Variants in MLLT3 observed in about 807,000 individuals in gnomAD.
MLLT3 encodes MLLT3 super elongation complex subunit.
Under a neutral mutation model 53.2 loss-of-function variants are expected in MLLT3, and 4 were observed. The ratio of observed to expected loss-of-function variants is 0.08; its 90% CI spans 0.04 to 0.17. The LOEUF is 0.17. MLLT3 is among the 10% of genes least tolerant of loss of function. The pLI, the probability that MLLT3 is intolerant of heterozygous loss-of-function variation, is 1.00. For synonymous variants in MLLT3, 283 were observed against 230.6 expected (o/e 1.23, Z -2.06); for missense variants, 569 against 684.0 (o/e 0.83, Z 1.87).
At chr9:20,408,470 T>C (rs1822642603) in intron 5 of MLLT3, among the ~76,000 whole-genome samples, 1 of 152,124 alleles carries the variant, frequency 6.6e-6, no homozygotes, top group East Asian at 1.9e-4. Context: ...TCTGGTAATT[T>C]CAATTAATGT....
intron 3 of MLLT3, among the ~76,000 whole-genome samples, chr9:20,456,297 GTA>G (rs1371115282): frequency 3.3e-5 from 5 of 152,072 alleles, no homozygotes; most frequent in Non-Finnish European, 7.4e-5. Flanking sequence ...CTATATACAT[GTA>G]TGGTGTGGGT....
intron 10 of MLLT3, among the ~76,000 whole-genome samples, chr9:20,349,205 A>T (rs1438037471): frequency 2.0e-5 from 3 of 152,234 alleles, no homozygotes; most frequent in Admixed American, 6.5e-5. Context: ...TAGACAGAAC[A>T]TCATAACCTT....
intron 5 of MLLT3, among the ~76,000 whole-genome samples, chr9:20,391,967 A>ATT (rs1822194433): frequency 6.6e-6 from 1 of 152,232 alleles, no homozygotes. Context: ...CAACTAAAGA[A>ATT]AAAGACAAAA....
chr9:20,535,523 G>T (rs952608187), intron 2 of MLLT3, among the ~76,000 whole-genome samples: 1 of 151,838 alleles, frequency 6.6e-6, no homozygotes, highest in Non-Finnish European at 1.5e-5. Flanking sequence ...TAGAAACCAA[G>T]AAAAAAGGAA....
chr9:20,432,993 A>G (rs1255461651), intron 4 of MLLT3, among the ~76,000 whole-genome samples: 1 of 152,060 alleles, frequency 6.6e-6, no homozygotes, highest in Non-Finnish European at 1.5e-5. Flanking sequence ...ACCACATCAA[A>G]TATATTATAG....
intron 4 of MLLT3, among the ~76,000 whole-genome samples, chr9:20,438,211 A>T (rs916772200): frequency 1.3e-5 from 2 of 152,256 alleles, no homozygotes; most frequent in African/African-American, 2.4e-5. Flanking sequence ...TGTCTAGACT[A>T]TATCAAACAA....
At position 20,527,585 on chromosome 9, in the gene MLLT3, A is replaced by G. The variant is rs1447314554; in HGVS notation, c.194-70799T>C. ...CTAAGCACTGAGGTCTGCCACTTCTAAAGTCCATGATTTTTCCACTGAACA... is the reference window on the plus strand; with the variant it reads ...CTAAGCACTGAGGTCTGCCACTTCTGAAGTCCATGATTTTTCCACTGAACA... On this transcript the variant is annotated intron_variant, in intron 2 of 10. Coordinates refer to ENST00000380338, the MANE Select transcript of MLLT3 (RefSeq NM_004529.4). Among the ~76,000 whole-genome samples, 5 of 152,314 alleles carry G rather than the reference A, an allele frequency of 3.3e-5. No homozygotes were observed. In the South Asian group the frequency reaches 6.2e-4, roughly 19 times the overall value.
intron 10 of MLLT3, among the ~76,000 whole-genome samples, chr9:20,347,075 CAAA>C (rs11295975): frequency 0.024 from 1,994 of 83,012 alleles, 52 homozygotes; most frequent in African/African-American, 0.066. Context: ...CAGGAACTCC[CAAA>C]AAAAAAAAAA....
chr9:20,547,911 G>T (rs974539724), intron 2 of MLLT3, among the ~76,000 whole-genome samples: 1 of 152,166 alleles, frequency 6.6e-6, no homozygotes, highest in Non-Finnish European at 1.5e-5. Flanking sequence ...GAGATCACAT[G>T]ACTGCACTCC....
At chr9:20,422,042 G>A (rs562331236) in intron 4 of MLLT3, among the ~76,000 whole-genome samples, 9 of 152,072 alleles carry the variant, frequency 5.9e-5, no homozygotes, top group South Asian at 4.2e-4. Flanking sequence ...TTTAAACACC[G>A]AGTCTAAACA....
chr9:20,400,913 T>C (rs1563951062), intron 5 of MLLT3, among the ~76,000 whole-genome samples: 1 of 152,130 alleles, frequency 6.6e-6, no homozygotes, highest in Non-Finnish European at 1.5e-5. Context: ...TCTTCTAGAA[T>C]TTGTATTTTA....
At chr9:20,615,576 C>T (rs578175288) in intron 2 of MLLT3, among the ~76,000 whole-genome samples, 1 of 151,994 alleles carries the variant, frequency 6.6e-6, no homozygotes, top group East Asian at 1.9e-4. Flanking sequence ...TAATAACAAT[C>T]AGCTTCCATG....
chr9:20,564,344 A>G (rs1001125046), intron 2 of MLLT3, among the ~76,000 whole-genome samples: 5 of 152,268 alleles, frequency 3.3e-5, no homozygotes, highest in African/African-American at 1.2e-4. Flanking sequence ...GAGACTTAGA[A>G]AAGAGATGGC....
chr9:20,508,652 G>C (rs540436798), intron 2 of MLLT3, among the ~76,000 whole-genome samples: 1 of 152,068 alleles, frequency 6.6e-6, no homozygotes, highest in African/African-American at 2.4e-5. Flanking sequence ...GACTAGCCTC[G>C]TAAATTAAAG....
chr9:20,595,037 T>C (rs1183979556), intron 2 of MLLT3, among the ~76,000 whole-genome samples: 1 of 152,018 alleles, frequency 6.6e-6, no homozygotes, highest in African/African-American at 2.4e-5. Context: ...CTAATAAACT[T>C]ACTTTCACTT....
At chr9:20,371,918 G>A (rs1323247489) in intron 5 of MLLT3, among the ~76,000 whole-genome samples, 1 of 152,164 alleles carries the variant, frequency 6.6e-6, no homozygotes, top group Non-Finnish European at 1.5e-5. Flanking sequence ...ATGCCATTAT[G>A]AACATTCATG....
At chr9:20,426,108 T>C (rs548324418) in intron 4 of MLLT3, among the ~76,000 whole-genome samples, 1 of 152,208 alleles carries the variant, frequency 6.6e-6, no homozygotes, top group African/African-American at 2.4e-5. Context: ...CTCCTATTTA[T>C]ATATACTCCC....
At chr9:20,596,465 G>A (rs113063395) in intron 2 of MLLT3, among the ~76,000 whole-genome samples, 3,972 of 152,264 alleles carry the variant, frequency 0.026, 195 homozygotes, top group African/African-American at 0.089. Flanking sequence ...CAAGGCAGGC[G>A]GATCACCTGA....
chr9:20,363,672 CA>C, intron 6 of MLLT3, 67 bp from the exon 7 acceptor site: 1 of 1,507,610 alleles, frequency 6.6e-7, no homozygotes, highest in African/African-American at 1.4e-5. Context: ...ATATTAGAAA[CA>C]GGGGGATGCT....
Sources: gnomAD v4.1 joint callset for allele counts (sites outside exome capture counted in the v4.1 genomes callset) on GRCh38, gnomAD v4.1.1 for gene constraint, MANE v1.5 for transcripts, NCBI Gene and HGNC (gene_info 2026-07-23, HGNC 2026-07-21) for gene names.